The following NCOA3 variants were observed in gnomAD, a reference collection of about 807,000 sequenced individuals.
NCOA3 encodes CBP-interacting protein.
In NCOA3, 51 loss-of-function variants were observed where a neutral mutation model predicts 158.8. That is an observed-to-expected ratio of 0.32 (90% confidence interval 0.26 to 0.41). The LOEUF (loss-of-function observed/expected upper bound fraction) is 0.41, where lower values mean the gene tolerates loss of function less well. Ranked by LOEUF, NCOA3 falls within the 10% of genes least tolerant of loss-of-function variation. The pLI is 1.00. For missense variants in NCOA3, 1,510 were observed against 1,746.6 expected (o/e 0.86, Z 2.41); for synonymous variants, 537 against 592.4 (o/e 0.91, Z 1.36).
At chr20:47,511,550 T>TATATATATACATAC in intron 1 of NCOA3, among the ~76,000 whole-genome samples, 25 of 52,228 alleles carry the variant, frequency 4.8e-4, no homozygotes, top group South Asian at 9.4e-4. Context: ...TATATATATA[T>TATATATATACATAC]ATATATTTCT....
chr20:47,636,936 A>C (rs1208822147), intron 12 of NCOA3, among the ~76,000 whole-genome samples, 174 bp downstream of exon 12: 1 of 152,194 alleles, frequency 6.6e-6, no homozygotes, highest in Non-Finnish European at 1.5e-5. Flanking sequence ...TAGAAATAAC[A>C]GATGTGTATG....
chr20:47,526,058 G>A (rs1251747155), intron 1 of NCOA3, among the ~76,000 whole-genome samples: 1 of 150,896 alleles, frequency 6.6e-6, no homozygotes, highest in African/African-American at 2.4e-5. Context: ...GCGGTTGCCA[G>A]GCAGAGGGTC....
At chr20:47,652,332 A>C in intron 20 of NCOA3, 74 bp from the exon 21 acceptor site, 1 of 1,401,102 alleles carries the variant, frequency 7.1e-7, no homozygotes, top group African/African-American at 1.4e-5. Context: ...AAAAAACAAA[A>C]TTACTACAGA....
chr20:47,556,420 A>G lies in NCOA3; in HGVS notation c.-98-26763A>G, dbSNP rs907842462. On this transcript the variant is annotated intron_variant, in intron 1 of 22. Coordinates refer to ENST00000371998, the MANE Select transcript of NCOA3 (RefSeq NM_181659.3). ...AGCTGCTGAAAGAATATAGAGTAGA[A>G]ATTGATTTTGCAATATTTTGAACCT... Among the ~76,000 whole-genome samples, 6 of 152,186 alleles carry G rather than the reference A, an allele frequency of 3.9e-5. No individual in the cohort carries two copies. The South Asian group carries it at 8.3e-4, about 21-fold the overall frequency.
chr20:47,591,002 G>C (rs910096109), intron 2 of NCOA3, among the ~76,000 whole-genome samples: 8 of 152,024 alleles, frequency 5.3e-5, no homozygotes, highest in Non-Finnish European at 8.8e-5. Context: ...CCAGCTACTC[G>C]GGAGGCTGAG....
intron 1 of NCOA3, among the ~76,000 whole-genome samples, chr20:47,573,592 T>G (rs2146205870): frequency 6.6e-6 from 1 of 152,312 alleles, no homozygotes; most frequent in East Asian, 1.9e-4. Flanking sequence ...AACCTCAATT[T>G]GTAAAAAGCG....
intron 1 of NCOA3, among the ~76,000 whole-genome samples, chr20:47,510,587 G>A (rs1002713460): frequency 2.6e-5 from 4 of 151,848 alleles, no homozygotes; most frequent in Non-Finnish European, 5.9e-5. Flanking sequence ...ATCCACATGG[G>A]ACTTTTAAAA....
At chr20:47,577,293 A>G (rs1056083287) in intron 1 of NCOA3, among the ~76,000 whole-genome samples, 10 of 152,196 alleles carry the variant, frequency 6.6e-5, no homozygotes, top group Non-Finnish European at 1.5e-4. Context: ...TGCCTTTATT[A>G]TGAAGAAACT....
Position 47,638,543 on chromosome 20 carries a change from G to A in NCOA3, c.2513-465G>A, listed in dbSNP as rs947732738. ...AATGGATAGATCAATTAAGAGTGGG[G>A]GGGAAAAAAAGAAGGTTAGAAGGGG... On this transcript the variant is annotated intron_variant, in intron 13 of 22. Transcript: ENST00000371998. Among the ~76,000 whole-genome samples the A allele has an allele frequency of 9.2e-5, 14 of 151,998 alleles. No individual in the cohort carries two copies. In the East Asian group the frequency reaches 2.5e-3, roughly 27 times the overall value.
Position 47,627,167 on chromosome 20 carries a change from A to G in NCOA3, c.523A>G (p.Lys175Glu), listed in dbSNP as rs2086335967. ...AAAGGATTTTCTTAAGAATTTACCA[A>G]AATCTACAGGTAGGCTTTTAATGTG... The part of the protein sequence containing the change: ...DRKDFLKNLP[K>E]STVNGVSWTN... Residue 175 changes from lysine to glutamate, a missense_variant, in exon 6 of 23, where the codon AAA (lysine) becomes GAA (glutamate). Around this residue, in one of 4 missense-constraint regions of NCOA3, gnomAD observed 309 missense variants for 427.1 expected, o/e 0.72. Coordinates refer to ENST00000371998, the MANE Select transcript of NCOA3 (RefSeq NM_181659.3). The G allele has an allele frequency of 3.7e-6, 6 of 1,601,236 alleles. No homozygotes were observed. The highest frequency in any genetic ancestry group is 1.1e-5 in the South Asian group (1 of 88,382).
At chr20:47,535,285 A>G (rs761613690) in intron 1 of NCOA3, among the ~76,000 whole-genome samples, 2 of 152,178 alleles carry the variant, frequency 1.3e-5, no homozygotes, top group Non-Finnish European at 2.9e-5. Flanking sequence ...CTTTGACTCC[A>G]TAGCAGCATC....
In NCOA3 at chr20:47,653,569, C is replaced by A; in HGVS notation, c.*152C>A. Reference sequence around the variant, plus strand: ...GGTATTTTAAGTGATGTCATTTGAGCAGGACTGGATTTTAAGCCGAAGGGC... The same window carrying A: ...GGTATTTTAAGTGATGTCATTTGAGAAGGACTGGATTTTAAGCCGAAGGGC... On this transcript the variant is annotated 3_prime_UTR_variant, in exon 23 of 23. Coordinates refer to ENST00000371998, the MANE Select transcript of NCOA3 (RefSeq NM_181659.3). 1.1e-6 allele frequency: 1 copy of A among 925,608 alleles called. No homozygotes were observed. The highest frequency in any genetic ancestry group is 1.7e-6 in the Non-Finnish European group (1 of 593,636). The allele number at this position is 925,608 out of a possible 1,614,324, so 57.3% of individuals were successfully genotyped here. A position where few individuals can be genotyped will look rare whatever the true frequency, so the allele number is the denominator to read the frequency against.
At chr20:47,610,780 C>G (rs1251641265) in intron 2 of NCOA3, among the ~76,000 whole-genome samples, 1 of 152,158 alleles carries the variant, frequency 6.6e-6, no homozygotes, top group Non-Finnish European at 1.5e-5. Context: ...AAAAATCAAC[C>G]CAAAAGTCTT....
intron 2 of NCOA3, among the ~76,000 whole-genome samples, chr20:47,600,814 CAAA>C (rs376125255): frequency 4.1e-5 from 3 of 73,052 alleles, no homozygotes; most frequent in African/African-American, 1.1e-4. Flanking sequence ...CTGTCCCTGG[CAAA>C]AAAAAAAAAA....
chr20:47,642,513 A>G (rs1020146675), intron 17 of NCOA3, 129 bp downstream of exon 17: 3 of 524,744 alleles, frequency 5.7e-6, no homozygotes, highest in Non-Finnish European at 9.0e-6. Context: ...CACTACATTC[A>G]TGGATACCAG....
chr20:47,565,421 T>C (rs1423445186), intron 1 of NCOA3, among the ~76,000 whole-genome samples: 1 of 152,018 alleles, frequency 6.6e-6, no homozygotes, highest in Non-Finnish European at 1.5e-5. Flanking sequence ...CTGTTTTAGA[T>C]AGGTAGGGCA....
At chr20:47,565,112 G>A (rs1048838378) in intron 1 of NCOA3, among the ~76,000 whole-genome samples, 1 of 152,138 alleles carries the variant, frequency 6.6e-6, no homozygotes, top group African/African-American at 2.4e-5. Context: ...CTCCAGAGTA[G>A]CTGGGATTAC....
rs767740617 is a variant in NCOA3 at position 47,639,782 on chromosome 20, G to T, written c.2913G>T (p.Ala971=). The change falls in exon 15 of 23, where the codon GCG becomes GCT. Residue 971 remains alanine (A), a synonymous_variant. Coordinates refer to ENST00000371998, the MANE Select transcript of NCOA3 (RefSeq NM_181659.3). ...TTCGGTCTAATAGCATACCAGGTGC[G>T]AGACCAGTATTGCAACAGCAGCAGC... is the stretch of plus-strand genomic sequence containing the variant. ...LPLRSNSIPG[A]RPVLQQQQQM... 6.2e-7 allele frequency: 1 copy of T among 1,614,152 alleles called. No individual in the cohort carries two copies. The highest frequency in any genetic ancestry group is 1.1e-5 in the South Asian group (1 of 91,076).
rs1419812372 is a variant in NCOA3 at position 47,606,393 on chromosome 20, G to T, written c.-19-15836G>T. Among the ~76,000 whole-genome samples, 3 of 152,266 alleles carry T rather than the reference G, an allele frequency of 2.0e-5. No individual in the cohort carries two copies. In the East Asian group the frequency reaches 5.8e-4, roughly 29 times the overall value. On this transcript the variant is annotated intron_variant, in intron 2 of 22. Coordinates refer to ENST00000371998, the MANE Select transcript of NCOA3 (RefSeq NM_181659.3). ...TGGAAATGCGGTGATGCATAAAATT[G>T]CTGACACCTTACCATGAATTAAGGC...
Sources: gnomAD v4.1 joint callset for allele counts (sites outside exome capture counted in the v4.1 genomes callset) on GRCh38, gnomAD v4.1.1 for gene constraint, gnomAD v4.1.1 regional missense constraint, MANE v1.5 for transcripts, NCBI Gene and HGNC (gene_info 2026-07-23, HGNC 2026-07-21) for gene names.